CRISPLD2: variants seen among roughly 807,000 people sequenced by gnomAD.
CRISPLD2 encodes cysteine rich secretory protein LCCL domain containing 2, also known as cysteine-rich secretory protein LCCL domain-containing 2.
Under a neutral mutation model 71.1 loss-of-function variants are expected in CRISPLD2, and 47 were observed. The observed-to-expected ratio is 0.66, with a 90% CI of 0.52 to 0.84. The LOEUF is 0.84. CRISPLD2 is among the 40% of genes least tolerant of loss of function. The pLI, the probability that CRISPLD2 is intolerant of heterozygous loss-of-function variation, is 0.00. For missense variants in CRISPLD2, 830 were observed against 651.1 expected (o/e 1.27, Z -2.99); for synonymous variants, 317 against 250.1 (o/e 1.27, Z -2.52).
At chr16:84,892,161 A>G (rs1346600554) in intron 14 of CRISPLD2, among the ~76,000 whole-genome samples, 1 of 152,158 alleles carries the variant, frequency 6.6e-6, no homozygotes, top group African/African-American at 2.4e-5. Context: ...GGAGGTCTCC[A>G]GGTGGGGTCC....
chr16:84,855,828 A>G (rs1156366187), intron 6 of CRISPLD2, among the ~76,000 whole-genome samples: 1 of 152,236 alleles, frequency 6.6e-6, no homozygotes, highest in African/African-American at 2.4e-5. Flanking sequence ...AAACTCACCA[A>G]TCCCCAACCC....
chr16:84,828,989 C>T (rs987948492), intron 1 of CRISPLD2: 4 of 151,876 alleles, frequency 2.6e-5, no homozygotes, highest in African/African-American at 9.7e-5. Context: ...GCAGAAGAAT[C>T]GCTTAAACCC....
chr16:84,892,932 C>T (rs4783098), intron 14 of CRISPLD2, among the ~76,000 whole-genome samples: 24,149 of 148,226 alleles, frequency 0.16, 2,239 homozygotes, highest in South Asian at 0.24. Flanking sequence ...GCCGAGATTC[C>T]ACCACTGTAC....
chr16:84,876,666 G>C (rs1056258174), intron 11 of CRISPLD2, among the ~76,000 whole-genome samples: 3 of 151,722 alleles, frequency 2.0e-5, no homozygotes, highest in Non-Finnish European at 4.4e-5. Flanking sequence ...GGTGGCAGGC[G>C]CCTCTAATCC....
chr16:84,833,525 T>G (rs1193026326), intron 1 of CRISPLD2, among the ~76,000 whole-genome samples: 2 of 152,080 alleles, frequency 1.3e-5, no homozygotes, highest in African/African-American at 4.8e-5. Flanking sequence ...CCTGGGAGCA[T>G]CAGGGGTAGA....
At chr16:84,877,296 C>T (rs1199020671) in intron 11 of CRISPLD2, 142 bp from the exon 12 acceptor site, 9 of 632,824 alleles carry the variant, frequency 1.4e-5, no homozygotes, top group Non-Finnish European at 2.2e-5. Flanking sequence ...TACGAGGAGC[C>T]TGCTGGGTCG....
At chr16:84,886,669 A>G (rs2071616403) in intron 13 of CRISPLD2, among the ~76,000 whole-genome samples, 1 of 151,796 alleles carries the variant, frequency 6.6e-6, no homozygotes, top group African/African-American at 2.4e-5. Context: ...AAGAAAATGG[A>G]AAAATTAGTC....
At chr16:84,904,147 G>A (rs945423206) in intron 14 of CRISPLD2, among the ~76,000 whole-genome samples, 8 of 152,282 alleles carry the variant, frequency 5.3e-5, no homozygotes, top group African/African-American at 9.6e-5. Context: ...GCTCCCAGGC[G>A]TCCCTGGTGT....
At chr16:84,899,546 G>A (rs2071735258) in intron 14 of CRISPLD2, among the ~76,000 whole-genome samples, 1 of 152,198 alleles carries the variant, frequency 6.6e-6, no homozygotes, top group Non-Finnish European at 1.5e-5. Context: ...CAAACCTGCG[G>A]GAATTTTTAC....
In CRISPLD2 at chr16:84,849,365, G is replaced by T. The variant is rs1567686541; in HGVS notation, c.360-20G>T. The stretch of plus-strand genomic sequence containing the variant: ...GTGAGGGGAGGGGCTGGGACTGAGT[G>T]AGCGGTTTCTGCCCTGCAGGTATCG... On this transcript the variant is annotated intron_variant, in intron 3 of 14. Transcript: ENST00000262424. 1.2e-6 allele frequency: 2 copies of T among 1,607,086 alleles called. No individual in the cohort carries two copies. The highest frequency in any genetic ancestry group is 2.2e-5 in the South Asian group (2 of 90,720).
intron 13 of CRISPLD2, 79 bp from the exon 14 acceptor site, chr16:84,889,151 G>C: frequency 6.3e-7 from 1 of 1,597,474 alleles, no homozygotes; most frequent in Non-Finnish European, 8.6e-7. Context: ...TTGCCCAGCA[G>C]TGAATGATGG....
chr16:84,850,968 C>G (rs890175220), intron 5 of CRISPLD2, among the ~76,000 whole-genome samples: 28 of 152,138 alleles, frequency 1.8e-4, no homozygotes, highest in Non-Finnish European at 3.4e-4. Context: ...TCAAAGGGCT[C>G]TCTCCTTAGG....
chr16:84,900,380 G>C (rs142196358), intron 14 of CRISPLD2, among the ~76,000 whole-genome samples: 2,109 of 152,170 alleles, frequency 0.014, 16 homozygotes, highest in South Asian at 0.026. Flanking sequence ...TGTTTGGAGC[G>C]GAGATCCTAA....
chr16:84,835,804 A>C (rs181400081), intron 1 of CRISPLD2, among the ~76,000 whole-genome samples: 53 of 152,358 alleles, frequency 3.5e-4, no homozygotes, highest in African/African-American at 1.2e-3. Flanking sequence ...CATTCAGAAC[A>C]AAGGCGGCCA....
chr16:84,859,136 C>T (rs1917317357), intron 6 of CRISPLD2, among the ~76,000 whole-genome samples: 1 of 152,154 alleles, frequency 6.6e-6, no homozygotes, highest in Non-Finnish European at 1.5e-5. Context: ...CCTTTCCCAC[C>T]ATAATAGCCC....
intron 6 of CRISPLD2, among the ~76,000 whole-genome samples, chr16:84,860,357 G>C (rs974542618): frequency 1.3e-5 from 2 of 152,046 alleles, no homozygotes; most frequent in African/African-American, 4.8e-5. Flanking sequence ...CCAGATTTCT[G>C]CTTATATACA....
intron 1 of CRISPLD2, among the ~76,000 whole-genome samples, chr16:84,820,531 C>T (rs562477166): frequency 6.6e-6 from 1 of 152,126 alleles, no homozygotes; most frequent in Non-Finnish European, 1.5e-5. Flanking sequence ...TAGAATGTGT[C>T]CTACTCATGT....
intron 2 of CRISPLD2, among the ~76,000 whole-genome samples, chr16:84,844,745 G>A (rs1057492631): frequency 1.3e-5 from 2 of 152,144 alleles, no homozygotes; most frequent in African/African-American, 4.8e-5. Context: ...CCCTGCGGGT[G>A]GCCAGTGAGA....
At chr16:84,829,665 C>T (rs974834386) in intron 1 of CRISPLD2, among the ~76,000 whole-genome samples, 4 of 152,192 alleles carry the variant, frequency 2.6e-5, no homozygotes, top group East Asian at 1.9e-4. Flanking sequence ...TTAAGAGAGT[C>T]GCTGCGTGGA....
Sources: gnomAD v4.1 joint callset for allele counts (sites outside exome capture counted in the v4.1 genomes callset) on GRCh38, gnomAD v4.1.1 for gene constraint, MANE v1.5 for transcripts, NCBI Gene and HGNC (gene_info 2026-07-23, HGNC 2026-07-21) for gene names.